The following WDFY3 variants were observed in gnomAD, a reference collection of about 807,000 sequenced individuals.
WDFY3 encodes WD repeat and FYVE domain containing 3.
A neutral mutation model predicts 409.6 loss-of-function variants in WDFY3; 66 were observed. The observed-to-expected ratio is 0.16, with a 90% CI of 0.13 to 0.20. WDFY3 has a LOEUF of 0.20. Among genes scored for constraint, WDFY3 ranks in the 10% least tolerant of loss-of-function variants. The pLI is 1.00. For missense variants in WDFY3, 3,031 were observed against 4,298.1 expected (o/e 0.71, Z 8.24); for synonymous variants, 1,521 against 1,537.1 (o/e 0.99, Z 0.25).
At chr4:84,965,544 T>C (rs1162052858) in intron 1 of WDFY3, 1 of 152,202 alleles carries the variant, frequency 6.6e-6, no homozygotes, top group Admixed American at 6.5e-5. Flanking sequence ...AGATGGCCTT[T>C]GGTTGGAAAG....
intron 4 of WDFY3, among the ~76,000 whole-genome samples, chr4:84,852,224 G>T (rs73831555): frequency 2.2e-3 from 333 of 152,260 alleles, no homozygotes; most frequent in African/African-American, 7.8e-3. Flanking sequence ...TTGGGCAGGT[G>T]GCCCATAAAT....
chr4:84,725,132 ATCT>A (rs1453469028), intron 45 of WDFY3, among the ~76,000 whole-genome samples: 1 of 152,158 alleles, frequency 6.6e-6, no homozygotes, highest in Admixed American at 6.5e-5. Flanking sequence ...AATGGCCAAA[ATCT>A]TCTTCAGATC....
chr4:84,756,901 G>T (rs958332573), intron 33 of WDFY3, 25 bp downstream of exon 33: 1 of 1,597,686 alleles, frequency 6.3e-7, no homozygotes, highest in Non-Finnish European at 8.6e-7. Flanking sequence ...GTAATTTCAC[G>T]CACCCCTTGC....
chr4:84,934,388 T>C (rs978474354), intron 1 of WDFY3, among the ~76,000 whole-genome samples: 1 of 152,176 alleles, frequency 6.6e-6, no homozygotes, highest in Non-Finnish European at 1.5e-5. Context: ...AAGTACTCTT[T>C]AAAAGTCTAC....
rs528731970 is a variant in WDFY3 at position 84,895,971 on chromosome 4, A to G, written c.-32+940T>C. ...TGGAACATGGCGAAATAAAAGGATG[A>G]AAGAGGCTGGGCGCAGTGGCTCACA... On this transcript the variant is annotated intron_variant, in intron 3 of 67. Transcript: ENST00000295888. Among the ~76,000 whole-genome samples, 219 of 152,226 alleles carry G rather than the reference A, an allele frequency of 1.4e-3. 1 individual carries two copies. Among genetic ancestry groups the G allele is most frequent in the African/African-American group, 5.1e-3 (211 of 41,556 alleles).
At chr4:84,929,678 G>A (rs1770488574) in intron 2 of WDFY3, among the ~76,000 whole-genome samples, 1 of 152,178 alleles carries the variant, frequency 6.6e-6, no homozygotes, top group African/African-American at 2.4e-5. Context: ...GGGAGGCCAA[G>A]GCGGGTGGAT....
Position 84,708,126 on chromosome 4 carries a change from G to A in WDFY3, c.8217+783C>T, listed in dbSNP as rs1732285546. On this transcript the variant is annotated intron_variant, in intron 53 of 67. Transcript: ENST00000295888. ...GATGTCTATCAGACAGGAGGCAAAG[G>A]AAGAGGGGAATCAAAATATTCATAT... Among the ~76,000 whole-genome samples, 4 of 152,332 alleles carry A rather than the reference G, an allele frequency of 2.6e-5. No individual in the cohort carries two copies. The South Asian group carries it at 6.2e-4, about 24-fold the overall frequency.
chr4:84,718,057 C>CAAA (rs35076143), intron 48 of WDFY3, among the ~76,000 whole-genome samples: 10 of 61,344 alleles, frequency 1.6e-4, no homozygotes, highest in East Asian at 4.8e-4. Flanking sequence ...GACACTGTCT[C>CAAA]AAAAAAAAAA....
chr4:84,695,889 T>C, intron 58 of WDFY3, 81 bp downstream of exon 58: 1 of 1,298,704 alleles, frequency 7.7e-7, no homozygotes, highest in South Asian at 1.4e-5. Context: ...TAAACTTAAT[T>C]ATTTTGTGGT....
intron 29 of WDFY3, among the ~76,000 whole-genome samples, chr4:84,774,053 TA>T (rs1745145012): frequency 6.6e-6 from 1 of 152,162 alleles, no homozygotes; most frequent in South Asian, 2.1e-4. Flanking sequence ...GAAGGCAAAT[TA>T]ATAAAAAAGT....
chr4:84,800,721 T>C (rs1037721804), intron 17 of WDFY3, among the ~76,000 whole-genome samples: 1 of 152,218 alleles, frequency 6.6e-6, no homozygotes, highest in African/African-American at 2.4e-5. Context: ...GGTTTCAGAA[T>C]GAAACTGTTC....
At chr4:84,897,334 G>A (rs752879158) in intron 2 of WDFY3, among the ~76,000 whole-genome samples, 9 of 151,960 alleles carry the variant, frequency 5.9e-5, no homozygotes, top group Non-Finnish European at 1.3e-4. Flanking sequence ...TTTTCAGCTT[G>A]TTGCTAAATA....
Position 84,817,380 on chromosome 4 carries a change from T to C in WDFY3, c.1887+12A>G, listed in dbSNP as rs1236112727. ...AGTAGTAAAAGAAGGGAAACACATT[T>C]ATCAAACTTACCCTTAAAATATCAG... is the stretch of plus-strand genomic sequence containing the variant. On this transcript the variant is annotated intron_variant, in intron 13 of 67. Coordinates refer to ENST00000295888, the MANE Select transcript of WDFY3 (RefSeq NM_014991.6). 1 of 1,613,178 alleles carries C rather than the reference T, an allele frequency of 6.2e-7. No homozygotes were observed. The highest frequency in any genetic ancestry group is 2.2e-5 in the East Asian group (1 of 44,842).
intron 21 of WDFY3, among the ~76,000 whole-genome samples, chr4:84,790,223 G>C (rs1291111252): frequency 1.3e-5 from 2 of 151,866 alleles, no homozygotes. Flanking sequence ...GGTGGCGCGC[G>C]TCTGTAGTTC....
intron 62 of WDFY3, among the ~76,000 whole-genome samples, chr4:84,686,761 T>A (rs1335460133): frequency 6.6e-6 from 1 of 152,186 alleles, no homozygotes; most frequent in East Asian, 1.9e-4. Context: ...ATCACCTACA[T>A]GCTGACACAC....
chr4:84,931,737 A>G (rs1281205284), intron 2 of WDFY3, among the ~76,000 whole-genome samples: 1 of 152,178 alleles, frequency 6.6e-6, no homozygotes, highest in African/African-American at 2.4e-5. Context: ...AAGCTGAAGA[A>G]CATTATTGAA....
At chr4:84,845,686 A>C (rs1281142623) in intron 5 of WDFY3, among the ~76,000 whole-genome samples, 1 of 152,176 alleles carries the variant, frequency 6.6e-6, no homozygotes, top group Non-Finnish European at 1.5e-5. Flanking sequence ...TTTTTACTAG[A>C]AAAATCAATA....
chr4:84,890,398 C>G (rs995180729), intron 3 of WDFY3, among the ~76,000 whole-genome samples: 1 of 152,232 alleles, frequency 6.6e-6, no homozygotes, highest in Non-Finnish European at 1.5e-5. Context: ...CCACACGTGG[C>G]CTTGCCCAAG....
At position 84,796,771 on chromosome 4, in the gene WDFY3, T is replaced by C. The variant is rs929696157; in HGVS notation, c.2936-19A>G. On this transcript the variant is annotated intron_variant, in intron 18 of 67. Transcript: ENST00000295888. ...ATACTACCTGTAAGTCAAGGAAATC[T>C]CTTGGGAAAATGTCATATGGAATTT... is the stretch of plus-strand genomic sequence containing the variant. 1.3e-6 allele frequency: 2 copies of C among 1,587,458 alleles called. No homozygotes were observed. Among genetic ancestry groups the C allele is most frequent in the African/African-American group, 1.3e-5 (1 of 74,126 alleles).
Sources: allele counts gnomAD v4.1 joint callset (sites outside exome capture counted in the v4.1 genomes callset), GRCh38; gene constraint gnomAD v4.1.1; transcripts MANE v1.5; gene names NCBI Gene and HGNC (gene_info 2026-07-23, HGNC 2026-07-21).